FREM3: variants seen among roughly 807,000 people sequenced by gnomAD.
FREM3 encodes FRAS1 related extracellular matrix 3.
Under a neutral mutation model 129.1 loss-of-function variants are expected in FREM3, and 105 were observed. The observed-to-expected ratio is 0.81, with a 90% CI of 0.69 to 0.96. FREM3 has a LOEUF of 0.96. Ranked by LOEUF, FREM3 falls within the 40% of genes least tolerant of loss-of-function variation. FREM3 has a pLI of 0.00. For missense variants in FREM3, 2,593 were observed against 2,666.3 expected (o/e 0.97, Z 0.61); for synonymous variants, 1,014 against 1,044.9 (o/e 0.97, Z 0.57).
At chr4:143,581,564 G>A (rs1401050444) in intron 7 of FREM3, among the ~76,000 whole-genome samples, 3 of 148,068 alleles carry the variant, frequency 2.0e-5, no homozygotes, top group Non-Finnish European at 4.5e-5. Context: ...AGAGGCAACT[G>A]ACAGCCCCTC....
At chr4:143,641,456 G>T (rs1435043907) in intron 2 of FREM3, among the ~76,000 whole-genome samples, 1 of 152,210 alleles carries the variant, frequency 6.6e-6, no homozygotes. Flanking sequence ...AAGTGAATGG[G>T]GGATGGATGA....
chr4:143,584,714 A>G (rs1454564322), intron 7 of FREM3, among the ~76,000 whole-genome samples: 1 of 152,198 alleles, frequency 6.6e-6, no homozygotes, highest in Non-Finnish European at 1.5e-5. Context: ...AGTATTAGAC[A>G]GACCATCAAG....
chr4:143,678,766 A>G (rs1197331800), intron 2 of FREM3, among the ~76,000 whole-genome samples: 1 of 152,168 alleles, frequency 6.6e-6, no homozygotes, highest in Non-Finnish European at 1.5e-5. Context: ...TAACCTCTTA[A>G]TTAAACTTCA....
chr4:143,687,782 T>C (rs929373856), intron 2 of FREM3, among the ~76,000 whole-genome samples: 1 of 152,188 alleles, frequency 6.6e-6, no homozygotes, highest in African/African-American at 2.4e-5. Context: ...TTTCCATAGA[T>C]GCAGAAAGAG....
chr4:143,631,641 A>G (rs998824271), intron 2 of FREM3, among the ~76,000 whole-genome samples: 1 of 152,160 alleles, frequency 6.6e-6, no homozygotes, highest in Non-Finnish European at 1.5e-5. Context: ...CAAGGGCAAT[A>G]TGATTGTGGA....
At chr4:143,633,040 A>G (rs918452696) in intron 2 of FREM3, among the ~76,000 whole-genome samples, 3 of 152,164 alleles carry the variant, frequency 2.0e-5, no homozygotes, top group African/African-American at 7.2e-5. Flanking sequence ...TTAAAAGTGT[A>G]CAATGTGAGG....
chr4:143,627,406 CAG>C (rs912089090), intron 3 of FREM3, among the ~76,000 whole-genome samples: 52 of 152,218 alleles, frequency 3.4e-4, no homozygotes, highest in African/African-American at 1.2e-3. Context: ...AAGAGGAAAA[CAG>C]GGGAAAGATG....
Position 143,577,369 on chromosome 4 carries a change from A to G in FREM3, c.*242T>C. Reference sequence around the variant, plus strand: ...TCTTACTTGCCTCAGAAACAAAGTAAAACAAAATAGAAAAAGAACATGAAC... The same window carrying G: ...TCTTACTTGCCTCAGAAACAAAGTAGAACAAAATAGAAAAAGAACATGAAC... On this transcript the variant is annotated 3_prime_UTR_variant, in exon 8 of 8. Transcript: ENST00000329798. 2.0e-6 allele frequency: 1 copy of G among 502,270 alleles called. No homozygotes were observed. 31.1% of individuals were successfully genotyped at this position (502,270 alleles called of 1,614,324 possible).
At chr4:143,672,271 A>G (rs566508780) in intron 2 of FREM3, among the ~76,000 whole-genome samples, 3 of 152,342 alleles carry the variant, frequency 2.0e-5, no homozygotes, top group African/African-American at 7.2e-5. Flanking sequence ...AAGAATGCCA[A>G]CAACTCAGTT....
In FREM3 at chr4:143,581,732, C is replaced by T. The variant is rs934901287; in HGVS notation, c.6179-3880G>A. On this transcript the variant is annotated intron_variant, in intron 7 of 7. Coordinates refer to ENST00000329798, the MANE Select transcript of FREM3 (RefSeq NM_001168235.2). ...GAGACCCCAACCCCCTGCTCTTCAC[C>T]AGACAGGGCTCCTGGCTCAAGACCA... Among the ~76,000 whole-genome samples the T allele has an allele frequency of 3.3e-5, 5 of 152,248 alleles. No individual in the cohort carries two copies. The East Asian group carries it at 5.8e-4, about 18-fold the overall frequency.
At chr4:143,655,258 A>G (rs1002498649) in intron 2 of FREM3, among the ~76,000 whole-genome samples, 1 of 152,236 alleles carries the variant, frequency 6.6e-6, no homozygotes, top group African/African-American at 2.4e-5. Context: ...TTAAAGCACG[A>G]AAGGTGAAAT....
At chr4:143,608,973 AT>A in intron 6 of FREM3, among the ~76,000 whole-genome samples, 1 of 152,302 alleles carries the variant, frequency 6.6e-6, no homozygotes, top group Non-Finnish European at 1.5e-5. Context: ...TACAGGATGC[AT>A]CATTTTTGTG....
intron 6 of FREM3, among the ~76,000 whole-genome samples, chr4:143,595,843 A>T (rs915080340): frequency 7.0e-6 from 1 of 143,410 alleles, no homozygotes; most frequent in Admixed American, 7.6e-5. Context: ...AGCTGAGATC[A>T]CGCCACTGCA....
intron 2 of FREM3, among the ~76,000 whole-genome samples, chr4:143,639,025 C>T (rs1225881656): frequency 3.3e-5 from 5 of 152,036 alleles, no homozygotes; most frequent in African/African-American, 7.2e-5. Context: ...TCTGGTGATT[C>T]TTCCTTTTTG....
At position 143,699,897 on chromosome 4, in the gene FREM3, G is replaced by T; in HGVS notation, c.779C>A (p.Pro260His). ...CATCATGGGCACGTAGTCACGGTTG[G>T]GCGAGGAGGTGGCTGTGTGCTGATA... ...VRYQHTATSS[P>H]NRDYVPMMVE... is the part of the protein sequence containing the mutation. The change falls in exon 1 of 8, where the codon CCC becomes CAC. Residue 260 changes from proline to histidine, a missense_variant. Transcript: ENST00000329798. The surrounding 1 kb of genome is among the most constrained non-coding windows in gnomAD (Gnocchi z 4.2). The T allele has an allele frequency of 6.5e-7, 1 of 1,536,648 alleles. No individual in the cohort carries two copies. Among genetic ancestry groups the T allele is most frequent in the Non-Finnish European group, 8.7e-7 (1 of 1,146,820 alleles).
At chr4:143,621,890 C>A (rs978378892) in intron 4 of FREM3, among the ~76,000 whole-genome samples, 2 of 152,142 alleles carry the variant, frequency 1.3e-5, no homozygotes, top group Admixed American at 1.3e-4. Flanking sequence ...ATTAAGCATG[C>A]ACTGTGCAAT....
Position 143,696,205 on chromosome 4 carries a change from A to C in FREM3, c.4471T>G (p.Leu1491Val), listed in dbSNP as rs1333769123. 11 of 1,537,850 alleles carry C rather than the reference A, an allele frequency of 7.2e-6. No homozygotes were observed. The highest frequency in any genetic ancestry group is 8.7e-6 in the Non-Finnish European group (10 of 1,147,052). Residue 1491 changes from leucine (L) to valine (V), a missense_variant, in exon 1 of 8, where the codon TTG becomes GTG. By Grantham distance (32) the Leu-to-Val change is conservative (BLOSUM62 1). This residue lies in a region of FREM3 where 2,276 missense variants were observed against 2,267.2 expected (regional missense o/e 1.00). Coordinates refer to ENST00000329798, the MANE Select transcript of FREM3 (RefSeq NM_001168235.2). ...EPIASFTQLQ[L>V]ASNKISYVHT... The stretch of plus-strand genomic sequence containing the variant: ...ACATAGGATATTTTGTTGCTAGCCA[A>C]TTGAAGTTGAGTGAAAGAGGCAATG...
intron 6 of FREM3, among the ~76,000 whole-genome samples, chr4:143,595,756 C>T (rs1019896429): frequency 6.6e-6 from 1 of 152,056 alleles, no homozygotes; most frequent in Non-Finnish European, 1.5e-5. Flanking sequence ...GGTGTGGTGG[C>T]AGGCTCCTGT....
intron 2 of FREM3, among the ~76,000 whole-genome samples, chr4:143,690,618 AC>A (rs1740448240): frequency 2.0e-5 from 3 of 152,206 alleles, no homozygotes; most frequent in African/African-American, 7.2e-5. Flanking sequence ...TTAGGAAAAA[AC>A]AATTATTAAT....
Sources: gnomAD v4.1 joint callset for allele counts (sites outside exome capture counted in the v4.1 genomes callset) on GRCh38, gnomAD v4.1.1 for gene constraint, gnomAD v4.1.1 regional missense constraint, Gnocchi (gnomAD v3.1) non-coding constraint, MANE v1.5 for transcripts, NCBI Gene and HGNC (gene_info 2026-07-23, HGNC 2026-07-21) for gene names.